Variants in CES1 observed in about 807,000 individuals in gnomAD.
The protein encoded by CES1 is liver carboxylesterase 1.
In CES1, 50 loss-of-function variants were observed where a neutral mutation model predicts 53.0. The observed-to-expected ratio is 0.94, with a 90% CI of 0.75 to 1.19. The LOEUF (loss-of-function observed/expected upper bound fraction) is 1.19, where lower values mean the gene tolerates loss of function less well. Ranked by LOEUF, CES1 falls within the 50% of genes most tolerant of loss-of-function variation. The pLI is 0.00. For synonymous variants in CES1, 202 were observed against 210.1 expected, an observed-to-expected ratio of 0.96 and a Z score of 0.33; for missense variants, 534 against 538.0, an observed-to-expected ratio of 0.99 and a Z score of 0.07.
At chr16:55,826,549 C>T (rs2032426560) in intron 2 of CES1, among the ~76,000 whole-genome samples, 1 of 152,176 alleles carries the variant, frequency 6.6e-6, no homozygotes, top group African/African-American at 2.4e-5. Flanking sequence ...GAACTCCCAG[C>T]ATCAAGGAGG....
chr16:55,820,037 C>G, intron 6 of CES1: 1 of 560,660 alleles, frequency 1.8e-6, no homozygotes, highest in East Asian at 3.1e-5. Context: ...CCATCACTGC[C>G]CAACATGGCA....
chr16:55,822,502 A>G lies in CES1; in HGVS notation c.540-981T>C, dbSNP rs1259599147. Among the ~76,000 whole-genome samples the G allele has an allele frequency of 2.5e-4, 38 of 152,200 alleles. 2 individuals are homozygous for G. The highest frequency in any genetic ancestry group is 8.7e-4 in the African/African-American group (36 of 41,486). ...AGAAGCTGAGTGGAGGCGTGGTGGG[A>G]GGAGAAGGGGGTCTCTGTTGGGGAG... On this transcript the variant is annotated intron_variant, in intron 4 of 13. Transcript: ENST00000360526.
At chr16:55,828,333 C>A (rs772741971) in intron 2 of CES1, among the ~76,000 whole-genome samples, 7 of 152,222 alleles carry the variant, frequency 4.6e-5, no homozygotes, top group African/African-American at 9.7e-5. Context: ...CCACTCCTCT[C>A]CCCGACTATG....
At chr16:55,823,870 G>A (rs202116935) in intron 3 of CES1, among the ~76,000 whole-genome samples, 187 bp from the exon 4 acceptor site, 6,173 of 137,810 alleles carry the variant, frequency 0.045, no homozygotes, top group African/African-American at 0.093. Flanking sequence ...TGGGACCCAA[G>A]CCACCACCCT....
At chr16:55,812,512 A>T in intron 9 of CES1, 1 of 318,258 alleles carries the variant, frequency 3.1e-6, no homozygotes, top group Non-Finnish European at 6.2e-6. Context: ...AGTGATTTTC[A>T]GGGGAATTAC....
intron 9 of CES1, among the ~76,000 whole-genome samples, chr16:55,811,694 C>T (rs2031705442): frequency 6.6e-6 from 1 of 152,186 alleles, no homozygotes. Flanking sequence ...AGACAAGCAG[C>T]CAGGTCCCCG....
rs1333696655 is a variant in CES1 at position 55,810,519 on chromosome 16, C to A, written c.1316G>T (p.Arg439Ile). ...VPSVIVARNH[R>I]DAGAPTYMYE... ...CCCGTTCGACCTCTGGGACTCACCT[C>A]TGTGGTTCCGGGCCACAATCACAGA... is the stretch of plus-strand genomic sequence containing the variant. The change falls in exon 11 of 14, where the codon AGA becomes ATA. Residue 439 changes from arginine to isoleucine, a missense_variant and splice_region_variant. Physicochemically the swap from Arg to Ile is moderately conservative, Grantham distance 97. Coordinates refer to ENST00000360526, the MANE Select transcript of CES1 (RefSeq NM_001025195.2). 1.9e-6 allele frequency: 3 copies of A among 1,614,170 alleles called. No individual in the cohort carries two copies. The highest frequency in any genetic ancestry group is 2.5e-6 in the Non-Finnish European group (3 of 1,180,038).
At chr16:55,812,866 G>T (rs2031760737) in intron 9 of CES1, 37 bp downstream of exon 9, 1 of 1,613,058 alleles carries the variant, frequency 6.2e-7, no homozygotes, top group African/African-American at 1.3e-5. Flanking sequence ...GCTGATGGGG[G>T]TGGTTGAGTC....
rs768635294 is a variant in CES1, at chr16:55,821,388, C to T, written c.673G>A (p.Gly225Arg). The part of the protein sequence containing the change: ...SVTIFGESAG[G>R]ESVSVLVLSP... Reference sequence around the variant, plus strand: ...CTCACAAGAACAGAGACACTTTCTCCTCCCGCTGACTCTCCAAAGATGGTC... The same window carrying T: ...CTCACAAGAACAGAGACACTTTCTCTTCCCGCTGACTCTCCAAAGATGGTC... Residue 225 changes from glycine (G) to arginine (R), a missense_variant, in exon 5 of 14, where the codon GGA (glycine) becomes AGA (arginine). Coordinates refer to ENST00000360526, the MANE Select transcript of CES1 (RefSeq NM_001025195.2). 6.2e-6 allele frequency: 10 copies of T among 1,614,214 alleles called. No individual in the cohort carries two copies. The highest frequency in any genetic ancestry group is 5.9e-6 in the Non-Finnish European group (7 of 1,180,048).
At chr16:55,821,327 A>G (rs773562057) in intron 5 of CES1, 41 bp downstream of exon 5, 1 of 1,613,392 alleles carries the variant, frequency 6.2e-7, no homozygotes, top group Non-Finnish European at 8.5e-7. Context: ...CATCAGCATC[A>G]CATCAAGCGT....
At chr16:55,822,682 G>A (rs2032247742) in intron 4 of CES1, among the ~76,000 whole-genome samples, 1 of 152,080 alleles carries the variant, frequency 6.6e-6, no homozygotes, top group Admixed American at 6.5e-5. Context: ...GGGATCACTG[G>A]GAATTAGTAA....
chr16:55,810,739 C>G, intron 10 of CES1, 75 bp from the exon 11 acceptor site: 1 of 1,569,574 alleles, frequency 6.4e-7, no homozygotes, highest in Non-Finnish European at 8.8e-7. Context: ...AAAGTCCTGC[C>G]TCAATGGTGA....
chr16:55,830,378 T>C (rs1281837136), intron 1 of CES1, among the ~76,000 whole-genome samples: 2 of 152,222 alleles, frequency 1.3e-5, no homozygotes, highest in East Asian at 3.8e-4. Context: ...TTCTTGGTGA[T>C]TTCCACCTTT....
At chr16:55,825,632 G>C (rs2032386905) in intron 3 of CES1, among the ~76,000 whole-genome samples, 1 of 152,246 alleles carries the variant, frequency 6.6e-6, no homozygotes, top group Admixed American at 6.5e-5. Flanking sequence ...ATGTTGCTGT[G>C]CTGGAGAAAG....
At chr16:55,809,130 T>C (rs1227909212) in intron 11 of CES1, among the ~76,000 whole-genome samples, 1 of 110,448 alleles carries the variant, frequency 9.1e-6, no homozygotes, top group African/African-American at 3.1e-5. Flanking sequence ...CTTAAAGTCA[T>C]GGGAAACCAG....
At chr16:55,819,937 G>C in intron 6 of CES1, 3 of 565,262 alleles carry the variant, frequency 5.3e-6, no homozygotes, top group East Asian at 3.0e-5. Context: ...CTGGGATAGA[G>C]AGCATGGAAT....
intron 11 of CES1, among the ~76,000 whole-genome samples, chr16:55,809,432 G>C (rs117657229): frequency 0.011 from 1,603 of 152,312 alleles, 18 homozygotes; most frequent in Non-Finnish European, 0.017. Flanking sequence ...TGGTTAGAGA[G>C]AGGACATTTC....
chr16:55,816,999 T>G (rs1242286144), intron 7 of CES1, 37 bp from the exon 8 acceptor site: 1 of 1,612,712 alleles, frequency 6.2e-7, no homozygotes, highest in African/African-American at 1.3e-5. Context: ...GGTGAGAGGC[T>G]TACCAGGAGA....
intron 9 of CES1, among the ~76,000 whole-genome samples, chr16:55,811,441 TC>T (rs1567492694): frequency 6.6e-6 from 1 of 152,102 alleles, no homozygotes; most frequent in Non-Finnish European, 1.5e-5. Flanking sequence ...AATCCTTAAA[TC>T]CTGTCTTCGT....
Sources: allele counts gnomAD v4.1 joint callset (sites outside exome capture counted in the v4.1 genomes callset), GRCh38; gene constraint gnomAD v4.1.1; transcripts MANE v1.5; gene names NCBI Gene and HGNC (gene_info 2026-07-23, HGNC 2026-07-21).